The following CFAP43 variants were observed in gnomAD, a reference collection of about 807,000 sequenced individuals.
CFAP43 encodes the protein cilia and flagella associated protein 43.
In CFAP43, 155 loss-of-function variants were observed where a neutral mutation model predicts 218.9. That is an observed-to-expected ratio of 0.71 (90% CI 0.62 to 0.81). The LOEUF is 0.81. Ranked by LOEUF, CFAP43 falls within the 30% of genes least tolerant of loss-of-function variation. The pLI, the probability that CFAP43 is intolerant of heterozygous loss-of-function variation, is 0.00. For synonymous variants in CFAP43, 645 were observed against 681.3 expected (o/e 0.95, Z 0.83); for missense variants, 1,778 against 1,954.3 (o/e 0.91, Z 1.70).
rs2088321264 is a variant in CFAP43, at chr10:104,152,590, G to A, written c.3660+17C>T. 1 of 1,612,320 alleles carries A rather than the reference G, an allele frequency of 6.2e-7. No individual in the cohort carries two copies. The highest frequency in any genetic ancestry group is 2.2e-5 in the East Asian group (1 of 44,840). ...TGCAAGCTCCTTAAAAGTCACATAAGTAAAGCTTTTATTTACCTGGTTGGT... is the reference window on the plus strand; with the variant it reads ...TGCAAGCTCCTTAAAAGTCACATAAATAAAGCTTTTATTTACCTGGTTGGT... On this transcript the variant is annotated intron_variant, in intron 28 of 37. Transcript: ENST00000357060.
rs1463029480 is a variant in CFAP43, at chr10:104,230,959, C to T, written c.66-116G>A. ...CATTTCTATTTTCATGTCCTTTCTG[C>T]CCCCAATTTCTAAGATAAAAGAACA... On this transcript the variant is annotated intron_variant, in intron 1 of 37. Coordinates refer to ENST00000357060, the MANE Select transcript of CFAP43 (RefSeq NM_025145.7). 6 of 1,133,472 alleles carry T rather than the reference C, an allele frequency of 5.3e-6. No individual in the cohort carries two copies. The East Asian group carries it at 7.9e-5, about 15-fold the overall frequency. 70.2% of individuals were successfully genotyped at this position (1,133,472 alleles called of 1,614,324 possible).
At chr10:104,204,742 G>A (rs894733866) in intron 7 of CFAP43, among the ~76,000 whole-genome samples, 2 of 152,156 alleles carry the variant, frequency 1.3e-5, no homozygotes, top group Non-Finnish European at 2.9e-5. Flanking sequence ...GGCTTCCTGA[G>A]GGTAAAATGT....
intron 28 of CFAP43, among the ~76,000 whole-genome samples, chr10:104,151,267 G>C (rs1417805146): frequency 6.6e-6 from 1 of 152,124 alleles, no homozygotes; most frequent in Non-Finnish European, 1.5e-5. Flanking sequence ...CCCAGTAATG[G>C]GATTGCTGGG....
At chr10:104,231,836 A>AG (rs1294362300) in intron 1 of CFAP43, among the ~76,000 whole-genome samples, 2 of 151,752 alleles carry the variant, frequency 1.3e-5, no homozygotes, top group African/African-American at 4.8e-5. Context: ...GTGGAGGGGG[A>AG]GGGGGATGTG....
At position 104,231,256 on chromosome 10, in the gene CFAP43, T is replaced by G. The variant is rs2091441127; in HGVS notation, c.66-413A>C. 4.6e-5 allele frequency among the ~76,000 whole-genome samples: 7 copies of G among 152,330 alleles called. No homozygotes were observed. In the South Asian group the frequency reaches 1.4e-3, roughly 32 times the overall value. On this transcript the variant is annotated intron_variant, in intron 1 of 37. Transcript: ENST00000357060. Reference sequence around the variant, plus strand: ...TAGTTTGATTTTTTTAAATAAACTTTAAAAAACAACTTTGCATAGGACAGC... The same window carrying G: ...TAGTTTGATTTTTTTAAATAAACTTGAAAAAACAACTTTGCATAGGACAGC...
At chr10:104,155,548 A>G (rs2088498218) in intron 27 of CFAP43, among the ~76,000 whole-genome samples, 1 of 152,080 alleles carries the variant, frequency 6.6e-6, no homozygotes, top group Non-Finnish European at 1.5e-5. Context: ...GGGGTAGGGG[A>G]GGAGAGGCAC....
intron 2 of CFAP43, among the ~76,000 whole-genome samples, chr10:104,229,599 G>T (rs577825474): frequency 9.2e-5 from 14 of 152,038 alleles, no homozygotes; most frequent in Non-Finnish European, 2.1e-4. Flanking sequence ...AGGAGGTGGA[G>T]GCTGCAGTGA....
chr10:104,187,106 T>C (rs2090055373), intron 14 of CFAP43, among the ~76,000 whole-genome samples: 1 of 152,238 alleles, frequency 6.6e-6, no homozygotes, highest in Non-Finnish European at 1.5e-5. Context: ...AAAGATGATG[T>C]ATGTGGCACA....
chr10:104,209,524 A>T (rs1187460547), intron 5 of CFAP43, among the ~76,000 whole-genome samples: 1 of 152,150 alleles, frequency 6.6e-6, no homozygotes, highest in Non-Finnish European at 1.5e-5. Context: ...TAAAATAATA[A>T]CTCCACATTT....
chr10:104,219,728 T>C (rs921817493), intron 3 of CFAP43, among the ~76,000 whole-genome samples: 2 of 152,218 alleles, frequency 1.3e-5, no homozygotes, highest in Admixed American at 6.5e-5. Flanking sequence ...GGGCTGCTCA[T>C]AAGCTCACCT....
chr10:104,150,292 A>T (rs543659494), intron 28 of CFAP43, among the ~76,000 whole-genome samples: 1 of 152,252 alleles, frequency 6.6e-6, no homozygotes, highest in Non-Finnish European at 1.5e-5. Context: ...ATATCCATAC[A>T]TCCACTCCCT....
chr10:104,199,823 C>T lies in CFAP43; in HGVS notation c.1096-1785G>A, dbSNP rs920543852. 2.6e-4 allele frequency among the ~76,000 whole-genome samples: 40 copies of T among 152,332 alleles called. 1 individual carries two copies. The highest frequency in any genetic ancestry group is 8.7e-4 in the African/African-American group (36 of 41,570). ...AGCTAATAGAGCCAGTGCCCTTACA[C>T]AAACGCTTGAATGTAACAAAACCCC... is the stretch of plus-strand genomic sequence containing the variant. On this transcript the variant is annotated intron_variant, in intron 8 of 37. Coordinates refer to ENST00000357060, the MANE Select transcript of CFAP43 (RefSeq NM_025145.7).
At chr10:104,133,195 A>G (rs1387541732) in intron 35 of CFAP43, among the ~76,000 whole-genome samples, 2 of 152,238 alleles carry the variant, frequency 1.3e-5, no homozygotes, top group Admixed American at 1.3e-4. Context: ...AGGTATGGAA[A>G]GAAACACAAA....
chr10:104,161,082 C>G lies in CFAP43; in HGVS notation c.3495G>C (p.Glu1165Asp). The G allele has an allele frequency of 6.2e-7, 1 of 1,612,702 alleles. No homozygotes were observed. Among genetic ancestry groups the G allele is most frequent in the Non-Finnish European group, 8.5e-7 (1 of 1,179,140 alleles). Residue 1165 changes from glutamate to aspartate, a missense_variant, in exon 27 of 38, where the codon GAG becomes GAC. Physicochemically the swap from Glu to Asp is conservative, Grantham distance 45 (BLOSUM62 2). Around this residue, in one of 3 missense-constraint regions of CFAP43, gnomAD observed 1,553 missense variants for 1,685.2 expected, o/e 0.92. Transcript: ENST00000357060. The stretch of plus-strand genomic sequence containing the variant: ...CTTCATTTAACTCCTTTACTTTTTT[C>G]TCATAATCTTTGAATTGTTTTCTTT... ...EEERKQFKDY[E>D]KKVKELNEER... is the part of the protein sequence containing the mutation.
chr10:104,193,692 G>A, intron 11 of CFAP43, 174 bp downstream of exon 11: 1 of 798,990 alleles, frequency 1.3e-6, no homozygotes. Flanking sequence ...GGGTATGGGG[G>A]GTACTTTACT....
chr10:104,166,053 C>T lies in CFAP43; in HGVS notation c.3039+435G>A, dbSNP rs1404516436. On this transcript the variant is annotated intron_variant, in intron 23 of 37. Coordinates refer to ENST00000357060, the MANE Select transcript of CFAP43 (RefSeq NM_025145.7). ...ACATGGACAGTATCTGTATATTCCTCTATGTATTGTTATTTATTTATTTAT... is the reference window on the plus strand; with the variant it reads ...ACATGGACAGTATCTGTATATTCCTTTATGTATTGTTATTTATTTATTTAT... Among the ~76,000 whole-genome samples the T allele has an allele frequency of 3.3e-5, 5 of 152,126 alleles. No individual in the cohort carries two copies. The East Asian group carries it at 7.7e-4, about 23-fold the overall frequency.
intron 3 of CFAP43, among the ~76,000 whole-genome samples, chr10:104,216,704 T>C (rs933313709): frequency 9.9e-5 from 15 of 152,082 alleles, no homozygotes; most frequent in African/African-American, 2.9e-4. Context: ...TAGCAGTTCA[T>C]AGAACCTCTC....
rs201008152 is a variant in CFAP43 at position 104,172,523 on chromosome 10, T to A, written c.2473A>T (p.Met825Leu). Reference protein sequence around the residue: ...KSLSKTILNMMEENDKLENIA... With the variant: ...KSLSKTILNMLEENDKLENIA... Reference sequence around the variant, plus strand: ...TTTTCTAGTTTGTCATTTTCTTCCATCATATTCAGAATCTGAATGTTGAAA... The same window carrying A: ...TTTTCTAGTTTGTCATTTTCTTCCAACATATTCAGAATCTGAATGTTGAAA... The change falls in exon 20 of 38, where the codon ATG (methionine) becomes TTG (leucine). Residue 825 changes from methionine to leucine, a missense_variant. By Grantham distance (15) the Met-to-Leu change is conservative. This residue lies in a region of CFAP43 where 1,553 missense variants were observed against 1,685.2 expected (regional missense o/e 0.92). Transcript: ENST00000357060. 3.7e-6 allele frequency: 6 copies of A among 1,600,848 alleles called. No individual in the cohort carries two copies. The highest frequency in any genetic ancestry group is 2.7e-5 in the African/African-American group (2 of 74,334).
intron 3 of CFAP43, among the ~76,000 whole-genome samples, chr10:104,216,914 C>T (rs1200916313): frequency 6.6e-6 from 1 of 152,166 alleles, no homozygotes; most frequent in African/African-American, 2.4e-5. Flanking sequence ...TGCCTAGTGT[C>T]CTTCCTCCTT....
Sources: allele counts gnomAD v4.1 joint callset (sites outside exome capture counted in the v4.1 genomes callset), GRCh38; gene constraint gnomAD v4.1.1; regional missense constraint gnomAD v4.1.1; transcripts MANE v1.5; gene names NCBI Gene and HGNC (gene_info 2026-07-23, HGNC 2026-07-21).